Variants in EYS observed in about 807,000 individuals in gnomAD.
EYS encodes protein eyes shut homolog.
Under a neutral mutation model 282.1 loss-of-function variants are expected in EYS, and 250 were observed. That is an observed-to-expected ratio of 0.89 (90% CI 0.80 to 0.98). EYS has a LOEUF of 0.98. Among genes scored for constraint, EYS ranks in the 50% least tolerant of loss-of-function variants. The pLI is 0.00. For missense variants in EYS, 4,016 were observed against 3,709.0 expected, an observed-to-expected ratio of 1.08 and a Z score of -2.15; for synonymous variants, 1,355 against 1,282.9, an observed-to-expected ratio of 1.06 and a Z score of -1.20.
At chr6:65,497,574 T>C (rs1485376213) in intron 2 of EYS, among the ~76,000 whole-genome samples, 1 of 152,000 alleles carries the variant, frequency 6.6e-6, no homozygotes, top group Admixed American at 6.6e-5. Context: ...GAAGAGATTA[T>C]ATCAAGAAGG....
chr6:64,552,324 A>T (rs1391350130), intron 26 of EYS, among the ~76,000 whole-genome samples: 1 of 152,178 alleles, frequency 6.6e-6, no homozygotes, highest in Non-Finnish European at 1.5e-5. Context: ...TATTTGACAT[A>T]TTTTGAAATG....
At chr6:64,151,315 A>ATT (rs1317479203) in intron 31 of EYS, among the ~76,000 whole-genome samples, 21 of 49,712 alleles carry the variant, frequency 4.2e-4, no homozygotes, top group East Asian at 1.6e-3. Context: ...GTGTGTGTAT[A>ATT]TTTATATATA....
chr6:65,577,539 C>T (rs1764715294), intron 2 of EYS, among the ~76,000 whole-genome samples: 1 of 151,542 alleles, frequency 6.6e-6, no homozygotes, highest in South Asian at 2.1e-4. Context: ...GGATATAACC[C>T]CAAAGACACA....
At chr6:65,219,915 G>T (rs1766416728) in intron 12 of EYS, among the ~76,000 whole-genome samples, 1 of 151,988 alleles carries the variant, frequency 6.6e-6, no homozygotes, top group African/African-American at 2.4e-5. Context: ...GGGGAAAACT[G>T]CCCCCATGAT....
chr6:64,552,720 C>T (rs1321317179), intron 26 of EYS, among the ~76,000 whole-genome samples: 1 of 151,918 alleles, frequency 6.6e-6, no homozygotes, highest in African/African-American at 2.4e-5. Context: ...TGAGGCCAGC[C>T]TGGCCAACAT....
At chr6:65,079,312 A>T (rs760109745) in intron 12 of EYS, among the ~76,000 whole-genome samples, 1 of 152,088 alleles carries the variant, frequency 6.6e-6, no homozygotes, top group Admixed American at 6.6e-5. Flanking sequence ...GAGGAACTGA[A>T]TTTTTAATTT....
chr6:65,653,353 C>T (rs1021729704), intron 1 of EYS, among the ~76,000 whole-genome samples: 9 of 151,752 alleles, frequency 5.9e-5, no homozygotes, highest in East Asian at 1.9e-4. Flanking sequence ...TATCAAATAA[C>T]TTGATAAAAA....
At chr6:63,881,288 A>C (rs374980579) in intron 35 of EYS, among the ~76,000 whole-genome samples, 190 of 152,266 alleles carry the variant, frequency 1.2e-3, no homozygotes, top group African/African-American at 4.0e-3. Flanking sequence ...TCACTCAACA[A>C]ATCCAAAACT....
chr6:64,687,526 T>C (rs1770201724), intron 22 of EYS, among the ~76,000 whole-genome samples: 2 of 152,210 alleles, frequency 1.3e-5, no homozygotes, highest in Admixed American at 1.3e-4. Flanking sequence ...TTACATTTAT[T>C]GATTTGCATA....
At chr6:65,046,514 T>C (rs1397600104) in intron 13 of EYS, among the ~76,000 whole-genome samples, 5 of 152,028 alleles carry the variant, frequency 3.3e-5, no homozygotes, top group Admixed American at 1.3e-4. Flanking sequence ...TTGCCAGTAA[T>C]TGTAAATTCA....
At chr6:63,920,510 G>A (rs982375510) in intron 35 of EYS, among the ~76,000 whole-genome samples, 4 of 152,102 alleles carry the variant, frequency 2.6e-5, no homozygotes, top group Admixed American at 2.6e-4. Flanking sequence ...TTTCCTTCCC[G>A]TTGGCTCTAG....
At chr6:64,046,069 T>C (rs1770613448) in intron 33 of EYS, among the ~76,000 whole-genome samples, 1 of 148,020 alleles carries the variant, frequency 6.8e-6, no homozygotes, top group South Asian at 2.1e-4. Flanking sequence ...TTATATTTTA[T>C]ATATAATAAA....
chr6:65,474,870 G>A (rs1049625040), intron 5 of EYS, among the ~76,000 whole-genome samples: 2 of 152,022 alleles, frequency 1.3e-5, no homozygotes, highest in Non-Finnish European at 2.9e-5. Context: ...CAAAGAACTG[G>A]AAGTGAACGA....
At chr6:63,763,400 A>G (rs1307626214) in intron 40 of EYS, among the ~76,000 whole-genome samples, 1 of 152,044 alleles carries the variant, frequency 6.6e-6, no homozygotes, top group East Asian at 1.9e-4. Context: ...AACATAAGTT[A>G]AATAATAACT....
chr6:63,763,869 G>C (rs922852135), intron 40 of EYS, among the ~76,000 whole-genome samples: 2 of 90,644 alleles, frequency 2.2e-5, no homozygotes, highest in Non-Finnish European at 4.3e-5. Flanking sequence ...GTTATATCTT[G>C]TTATATATAT....
At chr6:65,520,334 A>T (rs1767320053) in intron 2 of EYS, among the ~76,000 whole-genome samples, 1 of 152,138 alleles carries the variant, frequency 6.6e-6, no homozygotes, top group Non-Finnish European at 1.5e-5. Context: ...AGACATTTAG[A>T]AATGTGTTTA....
intron 36 of EYS, among the ~76,000 whole-genome samples, chr6:63,824,484 C>A (rs1186691102): frequency 6.6e-6 from 1 of 152,156 alleles, no homozygotes; most frequent in African/African-American, 2.4e-5. Context: ...ACTGCAAGAA[C>A]AAACCAGCAA....
At position 64,757,742 on chromosome 6, in the gene EYS, CTTTG is replaced by C. The variant is rs779082175; in HGVS notation, c.3443+55632_3443+55635del. Among the ~76,000 whole-genome samples, 7 of 63,920 alleles carry C rather than the reference CTTTG, an allele frequency of 1.1e-4. No individual in the cohort carries two copies. The East Asian group carries it at 3.1e-3, about 28-fold the overall frequency. The allele number at this position is 63,920 out of a possible 152,430, so 41.9% of individuals were successfully genotyped here. A position where few individuals can be genotyped will look rare whatever the true frequency, so the allele number is the denominator to read the frequency against. On this transcript the variant is annotated intron_variant, in intron 22 of 42. Coordinates refer to ENST00000503581, the MANE Select transcript of EYS (RefSeq NM_001142800.2). ...AAAGATTAATTTTTTTTCTTTTTTT[CTTTG>C]TGTGTGTGTGTGTGTGTGTGTGTGT...
At chr6:65,625,669 G>A (rs1020054110) in intron 2 of EYS, among the ~76,000 whole-genome samples, 2 of 152,208 alleles carry the variant, frequency 1.3e-5, no homozygotes, top group Middle Eastern at 3.4e-3. Flanking sequence ...AATTTAACGA[G>A]TTTGAGTTAA....
Sources: gnomAD v4.1 joint callset for allele counts (sites outside exome capture counted in the v4.1 genomes callset) on GRCh38, gnomAD v4.1.1 for gene constraint, MANE v1.5 for transcripts, NCBI Gene and HGNC (gene_info 2026-07-23, HGNC 2026-07-21) for gene names.